Variants in STIM2 observed in about 807,000 individuals in gnomAD.
The protein encoded by STIM2 is stromal interaction molecule 2.
A neutral mutation model predicts 85.8 loss-of-function variants in STIM2; 31 were observed. That is an observed-to-expected ratio of 0.36 (90% CI 0.27 to 0.49). The LOEUF is 0.49. Among genes scored for constraint, STIM2 ranks in the 20% least tolerant of loss-of-function variants. The probability of loss-of-function intolerance (pLI) is 0.98; values close to 1 mark genes in which losing one functional copy is unlikely to be tolerated. For missense variants in STIM2, 841 were observed against 927.6 expected (o/e 0.91, Z 1.21); for synonymous variants, 356 against 331.1 (o/e 1.08, Z -0.82).
At chr4:26,943,022 T>C (rs903699424) in intron 2 of STIM2, among the ~76,000 whole-genome samples, 2 of 152,134 alleles carry the variant, frequency 1.3e-5, no homozygotes, top group African/African-American at 2.4e-5. Flanking sequence ...TTTTTTACAA[T>C]GGAGTTGCTG....
intron 2 of STIM2, among the ~76,000 whole-genome samples, chr4:26,922,534 C>T (rs977197774): frequency 1.3e-5 from 2 of 152,072 alleles, no homozygotes; most frequent in Non-Finnish European, 2.9e-5. Flanking sequence ...CAGGAACATC[C>T]AAATAGAAGA....
At position 26,974,469 on chromosome 4, in the gene STIM2, A is replaced by G. The variant is rs187252058; in HGVS notation, c.397+16743A>G. On this transcript the variant is annotated intron_variant, in intron 3 of 11. Coordinates refer to ENST00000467087, the MANE Select transcript of STIM2 (RefSeq NM_020860.4). Reference sequence around the variant, plus strand: ...ATCTCTCAGCATTTGCTTGTCTGTAAAGGATTTTATTTCTCCTTCAGTTAT... The same window carrying G: ...ATCTCTCAGCATTTGCTTGTCTGTAGAGGATTTTATTTCTCCTTCAGTTAT... Among the ~76,000 whole-genome samples the G allele has an allele frequency of 2.8e-3, 423 of 152,252 alleles. 3 individuals carry two copies. Among genetic ancestry groups the G allele is most frequent in the Middle Eastern group, 0.01 (3 of 294 alleles).
chr4:26,954,751 C>T (rs1380693683), intron 2 of STIM2, among the ~76,000 whole-genome samples: 1 of 148,014 alleles, frequency 6.8e-6, no homozygotes, highest in Non-Finnish European at 1.5e-5. Context: ...TTCATTTAAA[C>T]ATTTTCTAAA....
chr4:26,919,466 G>T, intron 1 of STIM2, 38 bp from the exon 2 acceptor site: 1 of 1,609,788 alleles, frequency 6.2e-7, no homozygotes, highest in South Asian at 1.1e-5. Context: ...CTTTGTTTTG[G>T]TATGGCAAGT....
At chr4:26,896,571 T>C (rs922777246) in intron 1 of STIM2, among the ~76,000 whole-genome samples, 1 of 152,192 alleles carries the variant, frequency 6.6e-6, no homozygotes, top group Non-Finnish European at 1.5e-5. Flanking sequence ...TTGAACTAAG[T>C]GTATTCTCAC....
intron 1 of STIM2, among the ~76,000 whole-genome samples, chr4:26,868,179 C>T (rs758429220): frequency 1.3e-5 from 2 of 152,222 alleles, no homozygotes; most frequent in Non-Finnish European, 2.9e-5. Context: ...TAACTCCCCT[C>T]CAGTACACAC....
intron 1 of STIM2, among the ~76,000 whole-genome samples, chr4:26,862,080 G>C (rs2109419435): frequency 6.6e-6 from 1 of 152,206 alleles, no homozygotes; most frequent in East Asian, 1.9e-4. Context: ...AGCATACTCG[G>C]GGCTTGCAGC....
At chr4:27,002,798 C>A in intron 6 of STIM2, 129 bp from the exon 7 acceptor site, 2 of 893,918 alleles carry the variant, frequency 2.2e-6, no homozygotes, top group Non-Finnish European at 1.5e-6. Context: ...AAACTTAAGG[C>A]TAATGAAAAA....
At chr4:27,020,879 G>A in intron 11 of STIM2, 1 of 820,854 alleles carries the variant, frequency 1.2e-6, no homozygotes, top group South Asian at 1.7e-5. Context: ...ATAATCATAT[G>A]TGCTCTTGCC....
chr4:26,877,673 C>T (rs1227957925), intron 1 of STIM2, among the ~76,000 whole-genome samples: 1 of 152,080 alleles, frequency 6.6e-6, no homozygotes, highest in Non-Finnish European at 1.5e-5. Flanking sequence ...TTGTTACTAC[C>T]ATCCCCTTCA....
chr4:26,998,903 C>T (rs1378738437), intron 4 of STIM2, among the ~76,000 whole-genome samples: 1 of 96,870 alleles, frequency 1.0e-5, no homozygotes, highest in Non-Finnish European at 2.1e-5. Flanking sequence ...CAGAATGAGA[C>T]TCTGTCTCAA....
intron 1 of STIM2, among the ~76,000 whole-genome samples, chr4:26,901,337 C>T (rs973902572): frequency 3.3e-5 from 5 of 151,978 alleles, no homozygotes; most frequent in Non-Finnish European, 7.4e-5. Flanking sequence ...TATGTTCTTT[C>T]TGTTTAAATA....
At chr4:27,006,677 T>C (rs1029706705) in intron 7 of STIM2, among the ~76,000 whole-genome samples, 2 of 152,244 alleles carry the variant, frequency 1.3e-5, no homozygotes, top group Admixed American at 6.5e-5. Flanking sequence ...TTAGCACTTA[T>C]CACCTAACCA....
chr4:26,874,572 C>G (rs1412471229), intron 1 of STIM2, among the ~76,000 whole-genome samples: 2 of 152,142 alleles, frequency 1.3e-5, no homozygotes, highest in African/African-American at 2.4e-5. Context: ...AGTATGAACT[C>G]TCCTCTTTTA....
intron 7 of STIM2, among the ~76,000 whole-genome samples, chr4:27,005,112 A>G (rs532285766): frequency 1.3e-5 from 2 of 152,344 alleles, no homozygotes; most frequent in East Asian, 3.9e-4. Flanking sequence ...ATGATGTATA[A>G]TATGACATAA....
chr4:27,011,330 G>GTTTATTTATTGT (rs1395369535), intron 10 of STIM2, among the ~76,000 whole-genome samples: 6 of 152,292 alleles, frequency 3.9e-5, no homozygotes, highest in Admixed American at 3.9e-4. Flanking sequence ...ACTGCTTAAT[G>GTTTATTTATTGT]AGTTAACCAT....
At chr4:26,865,568 TGTG>T (rs1312559051) in intron 1 of STIM2, among the ~76,000 whole-genome samples, 1 of 152,196 alleles carries the variant, frequency 6.6e-6, no homozygotes, top group East Asian at 1.9e-4. Flanking sequence ...TGATGATAAT[TGTG>T]GTGTGAACAC....
At chr4:26,885,859 A>ATATACATATATATATATATATATG (rs1723216545) in intron 1 of STIM2, among the ~76,000 whole-genome samples, 1 of 89,440 alleles carries the variant, frequency 1.1e-5, no homozygotes, top group Admixed American at 1.2e-4. Flanking sequence ...ATATATATAT[A>ATATACATATATATATATATATATG]TATATATATA....
chr4:26,894,116 T>A (rs1411534770), intron 1 of STIM2, among the ~76,000 whole-genome samples: 1 of 152,212 alleles, frequency 6.6e-6, no homozygotes, highest in Non-Finnish European at 1.5e-5. Flanking sequence ...CTGGAACTCC[T>A]GACTTCGTGA....
Sources: allele counts gnomAD v4.1 joint callset (sites outside exome capture counted in the v4.1 genomes callset), GRCh38; gene constraint gnomAD v4.1.1; transcripts MANE v1.5; gene names NCBI Gene and HGNC (gene_info 2026-07-23, HGNC 2026-07-21).